UBE2W: variants seen among roughly 807,000 people sequenced by gnomAD.
UBE2W encodes ubiquitin conjugating enzyme E2 W.
In UBE2W, 18 loss-of-function variants were observed where a neutral mutation model predicts 27.2. That is an observed-to-expected ratio of 0.66 (90% confidence interval 0.46 to 0.98). The LOEUF (loss-of-function observed/expected upper bound fraction) is 0.98, where lower values mean the gene tolerates loss of function less well. Among genes scored for constraint, UBE2W ranks in the 50% least tolerant of loss-of-function variants. The pLI, the probability that UBE2W is intolerant of heterozygous loss-of-function variation, is 0.00. For synonymous variants in UBE2W, 53 were observed against 57.2 expected, an observed-to-expected ratio of 0.93 and a Z score of 0.33; for missense variants, 90 against 180.2, an observed-to-expected ratio of 0.50 and a Z score of 2.87.
intron 4 of UBE2W, among the ~76,000 whole-genome samples, chr8:73,807,516 A>G (rs1430126125): frequency 6.6e-6 from 1 of 152,224 alleles, no homozygotes; most frequent in East Asian, 1.9e-4. Context: ...AAAAAGAAAC[A>G]TTAGAGCATA....
intron 1 of UBE2W, among the ~76,000 whole-genome samples, chr8:73,857,553 C>T (rs769399533): frequency 1.3e-4 from 20 of 152,178 alleles, no homozygotes; most frequent in Non-Finnish European, 2.6e-4. Context: ...CGCAGTGGCT[C>T]ACACCTGTAA....
intron 1 of UBE2W, among the ~76,000 whole-genome samples, chr8:73,878,408 C>T (rs1812331871): frequency 6.6e-6 from 1 of 152,212 alleles, no homozygotes; most frequent in Non-Finnish European, 1.5e-5. Flanking sequence ...GCCCCGGCAA[C>T]AACCGCGGGC....
intron 2 of UBE2W, among the ~76,000 whole-genome samples, 177 bp from the exon 3 acceptor site, chr8:73,825,426 C>T (rs1809796262): frequency 6.6e-6 from 1 of 152,186 alleles, no homozygotes; most frequent in African/African-American, 2.4e-5. Flanking sequence ...GACCTATCCC[C>T]TTCTCTGACA....
chr8:73,847,937 C>G (rs1810887021), intron 1 of UBE2W, among the ~76,000 whole-genome samples: 1 of 150,550 alleles, frequency 6.6e-6, no homozygotes, highest in Non-Finnish European at 1.5e-5. Context: ...CACCATGGCT[C>G]ATGCCTGTAA....
rs11354153 is a variant in UBE2W, at chr8:73,865,180, C to CAAAAAAAA, written c.15+13620_15+13627dup. ...CACTGCTCTTTAAGTGTGCAAACGT[C>CAAAAAAAA]AAAAAAAAAAAAAAAAAAAAAAAAA... On this transcript the variant is annotated intron_variant, in intron 1 of 5. Transcript: ENST00000602593. 5.5e-3 allele frequency among the ~76,000 whole-genome samples: 182 copies of CAAAAAAAA among 32,852 alleles called. 34 individuals carry two copies. Among genetic ancestry groups the CAAAAAAAA allele is most frequent in the African/African-American group, 0.011 (126 of 11,938 alleles). 21.6% of individuals were successfully genotyped at this position (32,852 alleles called of 152,430 possible).
intron 1 of UBE2W, among the ~76,000 whole-genome samples, chr8:73,849,633 T>C (rs1019886388): frequency 2.2e-5 from 3 of 134,656 alleles, no homozygotes; most frequent in African/African-American, 5.6e-5. Flanking sequence ...GACACAGACA[T>C]AGGAAGAAAA....
At chr8:73,875,096 T>C (rs1812161237) in intron 1 of UBE2W, among the ~76,000 whole-genome samples, 4 of 152,172 alleles carry the variant, frequency 2.6e-5, no homozygotes, top group African/African-American at 7.2e-5. Flanking sequence ...TGGTGATACA[T>C]TACTTTTTTC....
In UBE2W at chr8:73,789,910, AAAAT is replaced by A. The variant is rs1808124185; in HGVS notation, c.*4188_*4191del. 2.0e-6 allele frequency: 2 copies of A among 980,332 alleles called. No individual in the cohort carries two copies. The highest frequency in any genetic ancestry group is 2.4e-6 in the Non-Finnish European group (2 of 825,286). The allele number at this position is 980,332 out of a possible 1,614,324, so 60.7% of individuals were successfully genotyped here. ...AAATGACTTAGAAATTTAAATGGAA[AAAAT>A]AAATAATTTGCTTGGACAATAATTT... On this transcript the variant is annotated 3_prime_UTR_variant, in exon 6 of 6. Transcript: ENST00000602593.
At chr8:73,865,820 G>A (rs1811731563) in intron 1 of UBE2W, among the ~76,000 whole-genome samples, 1 of 151,614 alleles carries the variant, frequency 6.6e-6, no homozygotes, top group Non-Finnish European at 1.5e-5. Context: ...TTATCTTATG[G>A]ACTATCTCTA....
At chr8:73,829,267 G>T (rs928305282) in intron 2 of UBE2W, among the ~76,000 whole-genome samples, 16 of 152,042 alleles carry the variant, frequency 1.1e-4, no homozygotes, top group Non-Finnish European at 2.2e-4. Flanking sequence ...GATGAAAGAA[G>T]AAGTAATCTC....
Position 73,846,475 on chromosome 8 carries a change from T to G in UBE2W, c.16-16003A>C, listed in dbSNP as rs139289858. The stretch of plus-strand genomic sequence containing the variant: ...AATTTTTTAGATTTAAAAAAATTTT[T>G]TATAAAGCAGCACACCACCAAACAC... On this transcript the variant is annotated intron_variant, in intron 1 of 5. Coordinates refer to ENST00000602593, the MANE Select transcript of UBE2W (RefSeq NM_018299.6). Among the ~76,000 whole-genome samples the G allele has an allele frequency of 2.7e-3, 406 of 152,332 alleles. 1 individual carries two copies. The highest frequency in any genetic ancestry group is 9.3e-3 in the African/African-American group (386 of 41,592).
At position 73,844,666 on chromosome 8, in the gene UBE2W, G is replaced by A. The variant is rs1041174370; in HGVS notation, c.16-14194C>T. On this transcript the variant is annotated intron_variant, in intron 1 of 5. Transcript: ENST00000602593. ...CCGCCCAGTCTGGGAAGTCACAAGC[G>A]CCTCTTCCCGGCCGTCATCTCGTCT... 1.4e-4 allele frequency among the ~76,000 whole-genome samples: 21 copies of A among 151,282 alleles called. No individual in the cohort carries two copies. The East Asian group carries it at 2.2e-3, about 16-fold the overall frequency.
At chr8:73,863,249 T>G (rs1173424038) in intron 1 of UBE2W, among the ~76,000 whole-genome samples, 3 of 144,560 alleles carry the variant, frequency 2.1e-5, no homozygotes, top group African/African-American at 8.2e-5. Flanking sequence ...TATGCAGCCA[T>G]AAAAAATGAT....
At chr8:73,865,102 A>G (rs1811692504) in intron 1 of UBE2W, among the ~76,000 whole-genome samples, 1 of 149,788 alleles carries the variant, frequency 6.7e-6, no homozygotes, top group Non-Finnish European at 1.5e-5. Context: ...ATAGACCTCA[A>G]AAAGTCTTGT....
At chr8:73,876,144 GGCA>G (rs1432723386) in intron 1 of UBE2W, among the ~76,000 whole-genome samples, 2 of 151,488 alleles carry the variant, frequency 1.3e-5, no homozygotes, top group Non-Finnish European at 2.9e-5. Context: ...AATCCATGAG[GGCA>G]GAAATCTTGT....
intron 5 of UBE2W, among the ~76,000 whole-genome samples, 179 bp downstream of exon 5, chr8:73,805,472 C>CAAAAACAAAAAAAAAAAAAAAAAAAA (rs1554579999): frequency 4.6e-5 from 2 of 43,694 alleles, no homozygotes; most frequent in East Asian, 1.1e-3. Flanking sequence ...AAAAAAAAAA[C>CAAAAACAAAAAAAAAAAAAAAAAAAA]AAAAAAAACT....
rs1016189278 is a variant in UBE2W, at chr8:73,830,257, T to C, written c.107+124A>G. 11 of 668,534 alleles carry C rather than the reference T, an allele frequency of 1.6e-5. No individual in the cohort carries two copies. The African/African-American group carries it at 1.6e-4, about 10-fold the overall frequency. The allele number at this position is 668,534 out of a possible 1,614,324, so 41.4% of individuals were successfully genotyped here. ...ATAAATGCACAGAATAAGATCTGTT[T>C]ACTCTATTTACCTCTTGGTGAAAGA... On this transcript the variant is annotated intron_variant, in intron 2 of 5. Coordinates refer to ENST00000602593, the MANE Select transcript of UBE2W (RefSeq NM_018299.6).
intron 1 of UBE2W, among the ~76,000 whole-genome samples, chr8:73,853,113 G>C (rs760807500): frequency 1.9e-4 from 29 of 152,152 alleles, no homozygotes; most frequent in Non-Finnish European, 4.1e-4. Flanking sequence ...GAGCTAATTT[G>C]CCTTGCTGCC....
intron 1 of UBE2W, among the ~76,000 whole-genome samples, chr8:73,856,575 G>A (rs759483024): frequency 2.6e-5 from 4 of 151,412 alleles, no homozygotes; most frequent in South Asian, 2.1e-4. Flanking sequence ...GGTCTGGCTC[G>A]AACTCCTGAC....
Sources: allele counts gnomAD v4.1 joint callset (sites outside exome capture counted in the v4.1 genomes callset), GRCh38; gene constraint gnomAD v4.1.1; transcripts MANE v1.5; gene names NCBI Gene and HGNC (gene_info 2026-07-23, HGNC 2026-07-21).